ERC2: variants seen among roughly 807,000 people sequenced by gnomAD.
The protein encoded by ERC2 is ELKS/RAB6-interacting/CAST family member 2.
In ERC2, 42 loss-of-function variants were observed where a neutral mutation model predicts 114.8. The ratio of observed to expected loss-of-function variants is 0.37; its 90% confidence interval spans 0.29 to 0.47. ERC2 has a LOEUF of 0.47. Among genes scored for constraint, ERC2 ranks in the 20% least tolerant of loss-of-function variants. ERC2 has a pLI of 0.99. For missense variants in ERC2, 939 were observed against 1,150.7 expected (o/e 0.82, Z 2.66); for synonymous variants, 454 against 425.5 (o/e 1.07, Z -0.82).
At chr3:55,694,684 C>T (rs1301605706) in intron 16 of ERC2, among the ~76,000 whole-genome samples, 2 of 152,176 alleles carry the variant, frequency 1.3e-5, no homozygotes, top group African/African-American at 4.8e-5. Context: ...AGGTTTCCAG[C>T]CCCAAAATAT....
chr3:55,588,499 G>A (rs1160291411), intron 17 of ERC2, among the ~76,000 whole-genome samples: 2 of 152,210 alleles, frequency 1.3e-5, no homozygotes, highest in African/African-American at 2.4e-5. Context: ...AGAAGTGAAA[G>A]CAGAGAGTGA....
chr3:55,854,633 G>C (rs1044222198), intron 14 of ERC2, among the ~76,000 whole-genome samples: 6 of 152,164 alleles, frequency 3.9e-5, no homozygotes, highest in African/African-American at 1.4e-4. Context: ...GACCTGGCCT[G>C]TGGGTCATGT....
intron 2 of ERC2, among the ~76,000 whole-genome samples, chr3:56,401,045 A>T (rs2060500564): frequency 6.6e-6 from 1 of 152,344 alleles, no homozygotes; most frequent in Non-Finnish European, 1.5e-5. Flanking sequence ...GGAAAGTCCC[A>T]AGACTGTACA....
chr3:56,100,119 AC>A (rs1311673844), intron 6 of ERC2, among the ~76,000 whole-genome samples: 1 of 152,118 alleles, frequency 6.6e-6, no homozygotes, highest in African/African-American at 2.4e-5. Context: ...CATTTCCCAA[AC>A]CTATTTCACT....
intron 17 of ERC2, chr3:55,658,516 G>A (rs1344925115): frequency 6.6e-6 from 1 of 152,328 alleles, no homozygotes; most frequent in African/African-American, 2.4e-5. Flanking sequence ...CTGGGTGAAG[G>A]GTAACTGTCC....
At chr3:56,160,368 G>A (rs893333104) in intron 4 of ERC2, among the ~76,000 whole-genome samples, 2 of 152,090 alleles carry the variant, frequency 1.3e-5, no homozygotes, top group South Asian at 4.1e-4. Flanking sequence ...GATAGATTCT[G>A]GATATTAGAT....
intron 17 of ERC2, among the ~76,000 whole-genome samples, chr3:55,648,081 C>T (rs1250244196): frequency 1.3e-5 from 2 of 152,226 alleles, no homozygotes. Context: ...GCTGAGCTTC[C>T]TGAAGCTGGG....
chr3:55,647,521 C>A (rs1198451675), intron 17 of ERC2, among the ~76,000 whole-genome samples: 1 of 152,002 alleles, frequency 6.6e-6, no homozygotes, highest in Non-Finnish European at 1.5e-5. Flanking sequence ...AAGAAATATA[C>A]CCTGGCTTTC....
intron 12 of ERC2, among the ~76,000 whole-genome samples, chr3:55,969,804 C>T (rs2069024919): frequency 6.6e-6 from 1 of 152,134 alleles, no homozygotes; most frequent in Non-Finnish European, 1.5e-5. Flanking sequence ...TATTTATTAG[C>T]TTGGCTAACA....
At chr3:55,842,929 G>A (rs932784877) in intron 14 of ERC2, among the ~76,000 whole-genome samples, 1 of 152,116 alleles carries the variant, frequency 6.6e-6, no homozygotes, top group African/African-American at 2.4e-5. Context: ...GTGAGAGAGA[G>A]AGAGAGAAGG....
chr3:56,156,400 C>G (rs2081723091), intron 4 of ERC2, among the ~76,000 whole-genome samples: 1 of 152,154 alleles, frequency 6.6e-6, no homozygotes, highest in Non-Finnish European at 1.5e-5. Flanking sequence ...AGGAGTGATT[C>G]CCGAGTCACT....
rs142526356 is a variant in ERC2 at position 56,427,642 on chromosome 3, A to C, written c.657+6709T>G. Among the ~76,000 whole-genome samples, 646 of 152,204 alleles carry C rather than the reference A, an allele frequency of 4.2e-3. 3 individuals are homozygous for C. The highest frequency in any genetic ancestry group is 0.014 in the African/African-American group (587 of 41,528). On this transcript the variant is annotated intron_variant, in intron 2 of 17. Transcript: ENST00000288221. The stretch of plus-strand genomic sequence containing the variant: ...TGATTGGTGTCCTTATGAAAAGGAG[A>C]AATTTGGATGCAGACACAGCCACCC...
chr3:55,533,419 G>T (rs985733956), intron 17 of ERC2, among the ~76,000 whole-genome samples: 1 of 152,214 alleles, frequency 6.6e-6, no homozygotes, highest in Non-Finnish European at 1.5e-5. Flanking sequence ...ACCAACGTTT[G>T]CTGCATGCCC....
intron 14 of ERC2, among the ~76,000 whole-genome samples, chr3:55,809,003 T>C (rs563046902): frequency 1.3e-4 from 20 of 151,972 alleles, no homozygotes; most frequent in Admixed American, 1.2e-3. Context: ...TATTTATACC[T>C]GGTCTGGTCA....
At position 55,631,608 on chromosome 3, in the gene ERC2, G is replaced by A. The variant is rs73830691; in HGVS notation, c.*39+52186C>T. Among the ~76,000 whole-genome samples, 679 of 152,264 alleles carry A rather than the reference G, an allele frequency of 4.5e-3. 3 individuals are homozygous for A. The highest frequency in any genetic ancestry group is 0.015 in the African/African-American group (641 of 41,536). On this transcript the variant is annotated intron_variant, in intron 17 of 17. Transcript: ENST00000288221. ...TGGTTTCTTCCTATTGTGGAGTCAGGGGCTCTCAGCAGTGAAAAGAAGGTT... is the reference window on the plus strand; with the variant it reads ...TGGTTTCTTCCTATTGTGGAGTCAGAGGCTCTCAGCAGTGAAAAGAAGGTT...
chr3:55,925,895 T>C (rs986902176), intron 13 of ERC2, among the ~76,000 whole-genome samples: 1 of 152,202 alleles, frequency 6.6e-6, no homozygotes, highest in African/African-American at 2.4e-5. Context: ...AAAATGTATA[T>C]CACATGTGTG....
At chr3:55,519,587 G>A (rs2052759490) in intron 17 of ERC2, among the ~76,000 whole-genome samples, 2 of 152,186 alleles carry the variant, frequency 1.3e-5, no homozygotes, top group Admixed American at 1.3e-4. Context: ...CAGTGGTCCT[G>A]AGACCCTGGG....
At chr3:55,718,581 G>A (rs1183653178) in intron 15 of ERC2, among the ~76,000 whole-genome samples, 1 of 152,190 alleles carries the variant, frequency 6.6e-6, no homozygotes, top group East Asian at 1.9e-4. Context: ...GGGTGACCTG[G>A]TAAAGGAATG....
chr3:55,955,525 A>C (rs538104788), intron 12 of ERC2, among the ~76,000 whole-genome samples: 3 of 152,282 alleles, frequency 2.0e-5, no homozygotes, highest in African/African-American at 7.2e-5. Context: ...TCTTTTGCTT[A>C]GCATAAAGGT....
Sources: allele counts gnomAD v4.1 joint callset (sites outside exome capture counted in the v4.1 genomes callset), GRCh38; gene constraint gnomAD v4.1.1; transcripts MANE v1.5; gene names NCBI Gene and HGNC (gene_info 2026-07-23, HGNC 2026-07-21).